Variants in AP1G1 observed in about 807,000 individuals in gnomAD.
The protein encoded by AP1G1 is adaptor related protein complex 1 subunit gamma 1.
AP1G1 carries 7 observed loss-of-function variants against 108.3 expected under a neutral mutation model. That is an observed-to-expected ratio of 0.06 (90% CI 0.04 to 0.12). The LOEUF (loss-of-function observed/expected upper bound fraction) is 0.12, where lower values mean the gene tolerates loss of function less well. AP1G1 is among the 10% of genes least tolerant of loss of function. The pLI is 1.00. For missense variants in AP1G1, 756 were observed against 1,010.7 expected (o/e 0.75, Z 3.42); for synonymous variants, 379 against 353.5 (o/e 1.07, Z -0.81).
intron 13 of AP1G1, 170 bp downstream of exon 13, chr16:71,753,663 A>G (rs1438768533): frequency 1.5e-6 from 1 of 666,698 alleles, no homozygotes; most frequent in Non-Finnish European, 2.7e-6. Context: ...TGCCATCATT[A>G]TATTCCTCCA....
rs754052286 is a variant in AP1G1, at chr16:71,750,235, T to C, written c.1382A>G (p.Lys461Arg). ...TTGAGAATAATCACCAAGAATTGCT[T>C]TGTACAGGCGCTGGACAGTATAGGC... is the stretch of plus-strand genomic sequence containing the variant. ...MHAYTVQRLYKAILGDYSQQP... is the reference protein window; with the variant it reads ...MHAYTVQRLYRAILGDYSQQP... The change falls in exon 14 of 23, where the codon AAA (lysine) becomes AGA (arginine). Residue 461 changes from lysine (K) to arginine (R), a missense_variant. Transcript: ENST00000299980. The C allele has an allele frequency of 5.6e-6, 9 of 1,613,998 alleles. No individual in the cohort carries two copies. The highest frequency in any genetic ancestry group is 7.6e-6 in the Non-Finnish European group (9 of 1,179,984).
At chr16:71,757,238 G>T (rs2030843482) in intron 11 of AP1G1, among the ~76,000 whole-genome samples, 1 of 152,102 alleles carries the variant, frequency 6.6e-6, no homozygotes, top group Non-Finnish European at 1.5e-5. Context: ...ATCACCTGAG[G>T]TCAGGAGTTC....
At chr16:71,765,350 A>G in intron 7 of AP1G1, 139 bp downstream of exon 7, 1 of 587,858 alleles carries the variant, frequency 1.7e-6, no homozygotes, top group Non-Finnish European at 3.0e-6. Context: ...CTAATATAGA[A>G]TTGTGTCACT....
At position 71,746,534 on chromosome 16, in the gene AP1G1, C is replaced by A. The variant is rs2030192294; in HGVS notation, c.1730+54G>T. 6 of 1,109,628 alleles carry A rather than the reference C, an allele frequency of 5.4e-6. No individual in the cohort carries two copies. The Admixed American group carries it at 1.2e-4, about 23-fold the overall frequency. 68.7% of individuals were successfully genotyped at this position (1,109,628 alleles called of 1,614,324 possible). A position where few individuals can be genotyped will look rare whatever the true frequency, so the allele number is the denominator to read the frequency against. On this transcript the variant is annotated intron_variant, in intron 17 of 22. Coordinates refer to ENST00000299980, the MANE Select transcript of AP1G1 (RefSeq NM_001128.6). ...GAATCTTCTTTATGGATTACCATGA[C>A]AATTTAGTCAGGATGCTAAGAGATA...
At chr16:71,747,091 C>A (rs1337853313) in intron 16 of AP1G1, 1 of 152,630 alleles carries the variant, frequency 6.6e-6, no homozygotes, top group African/African-American at 2.4e-5. Flanking sequence ...AGGGTCAGAG[C>A]CTCAAAATGT....
chr16:71,757,249 G>A (rs1404230381), intron 11 of AP1G1, among the ~76,000 whole-genome samples: 1 of 152,040 alleles, frequency 6.6e-6, no homozygotes, highest in Non-Finnish European at 1.5e-5. Flanking sequence ...TCAGGAGTTC[G>A]AGACCAACCT....
In AP1G1 at chr16:71,772,024, C is replaced by T. The variant is rs115438580; in HGVS notation, c.469-772G>A. ...ATATCCCCCAAAGTAACTATAACTA[C>T]TATATGTTTGAGTCAAATACCATAA... On this transcript the variant is annotated intron_variant, in intron 4 of 22. Coordinates refer to ENST00000299980, the MANE Select transcript of AP1G1 (RefSeq NM_001128.6). 6.0e-3 allele frequency among the ~76,000 whole-genome samples: 913 copies of T among 152,196 alleles called. 12 individuals are homozygous for T. Among genetic ancestry groups the T allele is most frequent in the African/African-American group, 0.019 (802 of 41,528 alleles).
chr16:71,777,566 G>A (rs926280954), intron 2 of AP1G1: 34 of 366,320 alleles, frequency 9.3e-5, no homozygotes, highest in Admixed American at 5.1e-4. Context: ...CCTCCAGGCC[G>A]AGAGAGGCCT....
intron 1 of AP1G1, among the ~76,000 whole-genome samples, chr16:71,795,483 A>T (rs138305529): frequency 6.6e-6 from 1 of 152,306 alleles, no homozygotes; most frequent in East Asian, 1.9e-4. Flanking sequence ...AAGGGATGTA[A>T]GTTAACATCA....
chr16:71,752,776 C>T (rs964089316), intron 13 of AP1G1, among the ~76,000 whole-genome samples: 1 of 152,096 alleles, frequency 6.6e-6, no homozygotes, highest in Non-Finnish European at 1.5e-5. Flanking sequence ...GCCTGTTTCT[C>T]TATTTTCTAA....
At position 71,764,569 on chromosome 16, in the gene AP1G1, T is replaced by C; in HGVS notation, c.819+77A>G. The C allele has an allele frequency of 5.4e-6, 7 of 1,299,694 alleles. No homozygotes were observed. In the South Asian group the frequency reaches 5.7e-5, roughly 11 times the overall value. The allele number at this position is 1,299,694 out of a possible 1,614,324, so 80.5% of individuals were successfully genotyped here. Reference sequence around the variant, plus strand: ...TGAATGAGGAAACACAAATAAAAACTGCTCCATATAACCATAATCATTCTA... The same window carrying C: ...TGAATGAGGAAACACAAATAAAAACCGCTCCATATAACCATAATCATTCTA... On this transcript the variant is annotated intron_variant, in intron 8 of 22. Transcript: ENST00000299980.
chr16:71,808,800 G>C lies in AP1G1; in HGVS notation c.-41C>G, dbSNP rs1233983391. On this transcript the variant is annotated 5_prime_UTR_variant, in exon 1 of 23. Transcript: ENST00000299980. ...TCGAATGAAACCAGCAGCTCCGGGG[G>C]CGGCGGCAGCAGTGGCAGCAGGAAC... is the stretch of plus-strand genomic sequence containing the variant. 5.4e-6 allele frequency: 7 copies of C among 1,289,752 alleles called. No homozygotes were observed. The Admixed American group carries it at 1.1e-4, about 21-fold the overall frequency. 79.9% of individuals were successfully genotyped at this position (1,289,752 alleles called of 1,614,324 possible). A position where few individuals can be genotyped will look rare whatever the true frequency, so the allele number is the denominator to read the frequency against.
In AP1G1 at chr16:71,745,198, G is replaced by C. The variant is rs1437384912; in HGVS notation, c.1945C>G (p.Pro649Ala). 8 of 1,613,964 alleles carry C rather than the reference G, an allele frequency of 5.0e-6. No homozygotes were observed. In the African/African-American group the frequency reaches 5.3e-5, roughly 11 times the overall value. Residue 649 changes from proline (P) to alanine (A), a missense_variant, in exon 19 of 23, where the codon CCA becomes GCA. Around this residue, in one of 3 missense-constraint regions of AP1G1, gnomAD observed 357 missense variants for 366.5 expected, o/e 0.97. Transcript: ENST00000299980. ...AGAAGTTCTCCACCAGCAGAAGATG[G>C]TTTGCTTGTAGGCGCAGTTGGAATA... ...PVIPTAPTSK[P>A]SSAGGELLDL...
At chr16:71,788,596 T>C (rs1334735705) in intron 2 of AP1G1, among the ~76,000 whole-genome samples, 2 of 152,022 alleles carry the variant, frequency 1.3e-5, no homozygotes, top group African/African-American at 2.4e-5. Flanking sequence ...GAAAAACATA[T>C]TGTGAACTTC....
intron 1 of AP1G1, among the ~76,000 whole-genome samples, chr16:71,805,122 CA>C (rs1175407624): frequency 6.6e-6 from 1 of 152,020 alleles, no homozygotes; most frequent in Non-Finnish European, 1.5e-5. Context: ...TGAGTAAAAG[CA>C]ACAGAGAATA....
chr16:71,745,653 C>G, intron 17 of AP1G1, 39 bp from the exon 18 acceptor site: 1 of 1,554,874 alleles, frequency 6.4e-7, no homozygotes, highest in Non-Finnish European at 8.9e-7. Context: ...AGGCAGTTAA[C>G]CTAGATTCCC....
chr16:71,771,297 G>A, intron 4 of AP1G1, 45 bp from the exon 5 acceptor site: 1 of 1,165,380 alleles, frequency 8.6e-7, no homozygotes, highest in Non-Finnish European at 1.2e-6. Flanking sequence ...TTTCAATTAT[G>A]CCAGGGCAAC....
intron 1 of AP1G1, among the ~76,000 whole-genome samples, chr16:71,790,601 T>C (rs918221493): frequency 6.6e-6 from 1 of 151,838 alleles, no homozygotes; most frequent in African/African-American, 2.4e-5. Context: ...CACAAGTGAT[T>C]TTTAACAAAG....
chr16:71,753,091 G>A (rs77832972), intron 13 of AP1G1, among the ~76,000 whole-genome samples: 15,666 of 152,016 alleles, frequency 0.1, 998 homozygotes, highest in Non-Finnish European at 0.14. Context: ...TTAAATTTGT[G>A]GCTTTTCCTT....
Sources: allele counts gnomAD v4.1 joint callset (sites outside exome capture counted in the v4.1 genomes callset), GRCh38; gene constraint gnomAD v4.1.1; regional missense constraint gnomAD v4.1.1; transcripts MANE v1.5; gene names NCBI Gene and HGNC (gene_info 2026-07-23, HGNC 2026-07-21).